PAX3: variants seen among roughly 807,000 people sequenced by gnomAD.
PAX3 encodes the protein paired box 3.
Under a neutral mutation model 51.6 loss-of-function variants are expected in PAX3, and 14 were observed. The ratio of observed to expected loss-of-function variants is 0.27; its 90% CI spans 0.18 to 0.42. The LOEUF is 0.42. PAX3 is among the 10% of genes least tolerant of loss of function. The pLI is 1.00. For synonymous variants in PAX3, 280 were observed against 253.4 expected, an observed-to-expected ratio of 1.11 and a Z score of -1.00; for missense variants, 540 against 642.8, an observed-to-expected ratio of 0.84 and a Z score of 1.73.
rs1165702620 is a variant in PAX3 at position 222,294,277 on chromosome 2, C to T, written c.476G>A (p.Arg159Lys). The T allele has an allele frequency of 6.2e-7, 1 of 1,614,238 alleles. No individual in the cohort carries two copies. Among genetic ancestry groups the T allele is most frequent in the Non-Finnish European group, 8.5e-7 (1 of 1,180,042 alleles). Residue 159 changes from arginine (R) to lysine (K), a missense_variant, in exon 4 of 9, where the codon AGA becomes AAA. By Grantham distance (26) the Arg-to-Lys change is conservative (BLOSUM62 2). Around this residue, in one of 3 missense-constraint regions of PAX3, gnomAD observed 427 missense variants for 483.6 expected, o/e 0.88. Transcript: ENST00000392070. ...PSVSSISRIL[R>K]SKFGKGEEEE... ...CTCTTCACCTTTCCCGAATTTACTT[C>T]TCAGGATGCGGCTGATGGAACTCAC...
chr2:222,295,035 GC>G (rs1695219375), intron 3 of PAX3, among the ~76,000 whole-genome samples: 1 of 151,712 alleles, frequency 6.6e-6, no homozygotes, highest in Non-Finnish European at 1.5e-5. Context: ...CCCCGTGCTT[GC>G]CCCTCTTCTC....
At chr2:222,203,704 A>G (rs1244847807) in intron 7 of PAX3, among the ~76,000 whole-genome samples, 1 of 152,082 alleles carries the variant, frequency 6.6e-6, no homozygotes, top group East Asian at 1.9e-4. Flanking sequence ...TCCAAAAACA[A>G]GGATCCCATA....
In PAX3 at chr2:222,220,235, T is replaced by C. The variant is rs1390282619; in HGVS notation, c.1078A>G (p.Arg360Gly). ...SSSAYCLPST[R>G]HGFSSYTDSF... ...TCTGTATAGCTGGAAAATCCATGCC[T>C]GGTGCTGGGGAGGCAGTAGGCAGAG... Residue 360 changes from arginine to glycine, a missense_variant, in exon 7 of 9, where the codon AGG becomes GGG. Arg to Gly is a moderately radical substitution (Grantham distance 125). Transcript: ENST00000392070. 2 of 1,613,922 alleles carry C rather than the reference T, an allele frequency of 1.2e-6. No homozygotes were observed. The highest frequency in any genetic ancestry group is 4.5e-5 in the East Asian group (2 of 44,824).
At chr2:222,293,357 C>T (rs1695116425) in intron 4 of PAX3, among the ~76,000 whole-genome samples, 1 of 152,060 alleles carries the variant, frequency 6.6e-6, no homozygotes. Flanking sequence ...TTTCTTTTTG[C>T]GTTTGTACCC....
intron 4 of PAX3, among the ~76,000 whole-genome samples, chr2:222,281,921 T>C (rs887193918): frequency 6.6e-6 from 1 of 152,178 alleles, no homozygotes; most frequent in African/African-American, 2.4e-5. Flanking sequence ...CCATCTTCCA[T>C]CTAAGCACAA....
At chr2:222,202,851 G>C (rs2578448) in intron 7 of PAX3, among the ~76,000 whole-genome samples, 1 of 150,954 alleles carries the variant, frequency 6.6e-6, no homozygotes, top group Admixed American at 6.6e-5. Context: ...GCTTTGACTG[G>C]TGAGAGCTTT....
intron 7 of PAX3, among the ~76,000 whole-genome samples, chr2:222,215,965 G>A (rs1691938802): frequency 6.6e-6 from 1 of 152,088 alleles, no homozygotes; most frequent in Admixed American, 6.6e-5. Flanking sequence ...AGAGATGGTG[G>A]AAAATTTTGA....
At chr2:222,240,859 T>A (rs1179546617) in intron 4 of PAX3, among the ~76,000 whole-genome samples, 2 of 152,232 alleles carry the variant, frequency 1.3e-5, no homozygotes, top group Admixed American at 6.5e-5. Flanking sequence ...CTATTTGCAA[T>A]TGTTTTTAAC....
At chr2:222,296,290 G>A (rs549161738) in intron 2 of PAX3, among the ~76,000 whole-genome samples, 1 of 152,346 alleles carries the variant, frequency 6.6e-6, no homozygotes, top group Admixed American at 6.5e-5. Flanking sequence ...GGTGTTTGGA[G>A]GTCTTCGGTT....
intron 4 of PAX3, among the ~76,000 whole-genome samples, chr2:222,286,737 G>A (rs1485355332): frequency 6.6e-6 from 1 of 152,116 alleles, no homozygotes; most frequent in East Asian, 1.9e-4. Context: ...CATTTTCAAA[G>A]ACACATGGCC....
chr2:222,213,605 A>T (rs372723186), intron 7 of PAX3, among the ~76,000 whole-genome samples: 1 of 152,138 alleles, frequency 6.6e-6, no homozygotes, highest in Non-Finnish European at 1.5e-5. Context: ...TTTGTAAAAA[A>T]TCTCTCTCTG....
intron 1 of PAX3, 132 bp from the exon 2 acceptor site, chr2:222,297,345 A>G (rs1695359389): frequency 1.4e-6 from 1 of 731,198 alleles, no homozygotes; most frequent in Non-Finnish European, 2.5e-6. Context: ...AAACTGCTCG[A>G]CATCGGACTC....
intron 7 of PAX3, among the ~76,000 whole-genome samples, chr2:222,209,336 G>T (rs1243117342): frequency 6.6e-6 from 1 of 152,118 alleles, no homozygotes; most frequent in Non-Finnish European, 1.5e-5. Context: ...CCCTTTTCTT[G>T]TGAAGGAAGG....
At chr2:222,266,066 TA>T (rs1694046257) in intron 4 of PAX3, among the ~76,000 whole-genome samples, 1 of 152,176 alleles carries the variant, frequency 6.6e-6, no homozygotes, top group Non-Finnish European at 1.5e-5. Flanking sequence ...GAAAAGAATA[TA>T]GATTTACAAG....
At chr2:222,296,698 A>G (rs1269712232) in intron 2 of PAX3, among the ~76,000 whole-genome samples, 1 of 152,222 alleles carries the variant, frequency 6.6e-6, no homozygotes, top group Non-Finnish European at 1.5e-5. Flanking sequence ...GTGTTTATCC[A>G]TTAAAATAAT....
intron 5 of PAX3, among the ~76,000 whole-genome samples, chr2:222,221,923 A>G (rs1692210654): frequency 6.6e-6 from 1 of 152,038 alleles, no homozygotes; most frequent in Admixed American, 6.5e-5. Flanking sequence ...CATCTCTTCC[A>G]AAATATGAAA....
intron 4 of PAX3, among the ~76,000 whole-genome samples, chr2:222,265,450 C>T (rs73061772): frequency 0.19 from 28,876 of 151,942 alleles, 2,986 homozygotes; most frequent in East Asian, 0.37. Flanking sequence ...TCAGGAGATC[C>T]AGACCATCCT....
At chr2:222,252,018 T>C (rs1312977324) in intron 4 of PAX3, among the ~76,000 whole-genome samples, 2 of 152,180 alleles carry the variant, frequency 1.3e-5, no homozygotes, top group Non-Finnish European at 2.9e-5. Context: ...GTCAGCCAAA[T>C]GTGATCCATT....
intron 4 of PAX3, among the ~76,000 whole-genome samples, chr2:222,268,657 A>G (rs950479792): frequency 2.6e-5 from 4 of 152,182 alleles, no homozygotes; most frequent in African/African-American, 7.2e-5. Flanking sequence ...GTGTTCGCCA[A>G]ATCCTTCATA....
Sources: allele counts gnomAD v4.1 joint callset (sites outside exome capture counted in the v4.1 genomes callset), GRCh38; gene constraint gnomAD v4.1.1; regional missense constraint gnomAD v4.1.1; transcripts MANE v1.5; gene names NCBI Gene and HGNC (gene_info 2026-07-23, HGNC 2026-07-21).